The following PKP4 variants were observed in gnomAD, a reference collection of about 807,000 sequenced individuals.
PKP4 encodes the protein plakophilin-4.
Under a neutral mutation model 145.1 loss-of-function variants are expected in PKP4, and 90 were observed. The ratio of observed to expected loss-of-function variants is 0.62; its 90% CI spans 0.52 to 0.74. The LOEUF is 0.74. Among genes scored for constraint, PKP4 ranks in the 30% least tolerant of loss-of-function variants. The probability of loss-of-function intolerance (pLI) is 0.00; values close to 1 mark genes in which losing one functional copy is unlikely to be tolerated. For missense variants in PKP4, 1,340 were observed against 1,482.7 expected (o/e 0.90, Z 1.58); for synonymous variants, 563 against 577.2 (o/e 0.98, Z 0.35).
chr2:158,566,386 A>T (rs188846252), intron 2 of PKP4, among the ~76,000 whole-genome samples: 2 of 152,138 alleles, frequency 1.3e-5, no homozygotes, highest in African/African-American at 4.8e-5. Context: ...ATAATGATTT[A>T]TGCGGACTAT....
rs1400588144 is a variant in PKP4, at chr2:158,662,727, C to CACAA, written c.2212-166_2212-163dup. On this transcript the variant is annotated intron_variant, in intron 13 of 21. Coordinates refer to ENST00000389759, the MANE Select transcript of PKP4 (RefSeq NM_003628.6). ...TCTGCATCCTGTCATCTGGGTATTC[C>CACAA]ACAAACACTCTAGAATCATAATTCT... The CACAA allele has an allele frequency of 7.3e-6, 4 of 547,948 alleles. No individual in the cohort carries two copies. The African/African-American group carries it at 7.5e-5, about 10-fold the overall frequency. 33.9% of individuals were successfully genotyped at this position (547,948 alleles called of 1,614,324 possible). A position where few individuals can be genotyped will look rare whatever the true frequency, so the allele number is the denominator to read the frequency against.
chr2:158,485,417 C>T (rs1380728686), intron 1 of PKP4, among the ~76,000 whole-genome samples: 1 of 152,136 alleles, frequency 6.6e-6, no homozygotes, highest in African/African-American at 2.4e-5. Context: ...AACCCTAGAC[C>T]CACGTTACTA....
intron 1 of PKP4, among the ~76,000 whole-genome samples, chr2:158,470,315 A>G (rs960726492): frequency 2.0e-5 from 3 of 152,148 alleles, no homozygotes; most frequent in Non-Finnish European, 4.4e-5. Context: ...GCGACCTACC[A>G]TATAAGGCCC....
At chr2:158,605,835 G>C (rs765404724) in intron 4 of PKP4, among the ~76,000 whole-genome samples, 28 of 152,044 alleles carry the variant, frequency 1.8e-4, no homozygotes, top group Non-Finnish European at 3.4e-4. Flanking sequence ...CTAATCTATT[G>C]TACTTTCTTT....
At chr2:158,605,796 C>T (rs1574740701) in intron 4 of PKP4, among the ~76,000 whole-genome samples, 1 of 152,164 alleles carries the variant, frequency 6.6e-6, no homozygotes, top group East Asian at 1.9e-4. Context: ...CGCCATTTTA[C>T]CCCCAAACTT....
chr2:158,670,716 A>G (rs2057481416), intron 17 of PKP4, among the ~76,000 whole-genome samples: 1 of 152,220 alleles, frequency 6.6e-6, no homozygotes, highest in South Asian at 2.1e-4. Flanking sequence ...AGAAAGTATT[A>G]AAATTACTGC....
At chr2:158,596,929 A>G (rs1263205345) in intron 3 of PKP4, among the ~76,000 whole-genome samples, 1 of 152,238 alleles carries the variant, frequency 6.6e-6, no homozygotes, top group Non-Finnish European at 1.5e-5. Context: ...CTTCATGTTC[A>G]GATTCCTACC....
chr2:158,497,568 G>A (rs1162514653), intron 1 of PKP4, among the ~76,000 whole-genome samples: 2 of 152,174 alleles, frequency 1.3e-5, no homozygotes, highest in Admixed American at 1.3e-4. Context: ...CAGAGTGGTG[G>A]TGAACAGCTT....
At chr2:158,621,482 A>G in intron 6 of PKP4, 61 bp downstream of exon 6, 3 of 1,406,212 alleles carry the variant, frequency 2.1e-6, no homozygotes, top group Non-Finnish European at 3.0e-6. Flanking sequence ...ACAGTGGCTC[A>G]TGCCTGTAAT....
chr2:158,669,811 T>G lies in PKP4; in HGVS notation c.2820T>G (p.Cys940Trp). The change falls in exon 17 of 22, where the codon TGT (cysteine) becomes TGG (tryptophan). Residue 940 changes from cysteine to tryptophan, a missense_variant. Physicochemically the swap from Cys to Trp is radical, Grantham distance 215. Coordinates refer to ENST00000389759, the MANE Select transcript of PKP4 (RefSeq NM_003628.6). ...LSDETMAAIC[C>W]ALHEVTSKNM... Reference sequence around the variant, plus strand: ...ATGAGACCATGGCAGCCATCTGCTGTGCTCTGCACGAGGTCACCAGCAAAA... The same window carrying G: ...ATGAGACCATGGCAGCCATCTGCTGGGCTCTGCACGAGGTCACCAGCAAAA... 6.2e-7 allele frequency: 1 copy of G among 1,614,096 alleles called. No homozygotes were observed. The highest frequency in any genetic ancestry group is 8.5e-7 in the Non-Finnish European group (1 of 1,179,920).
In PKP4 at chr2:158,666,508, C is replaced by T. The variant is rs201008561; in HGVS notation, c.2673C>T (p.Ser891=). ...LRMDNDRVVS[S]VATALRNMAL... is the part of the protein sequence containing the mutation. ...TGGATAACGATAGAGTTGTTTCTTCCGTGGCAACAGCCTTGAGGAATATGG... is the reference window on the plus strand; with the variant it reads ...TGGATAACGATAGAGTTGTTTCTTCTGTGGCAACAGCCTTGAGGAATATGG... Residue 891 remains serine, a synonymous_variant, in exon 16 of 22, where the codon TCC becomes TCT. Coordinates refer to ENST00000389759, the MANE Select transcript of PKP4 (RefSeq NM_003628.6). 72 of 1,613,488 alleles carry T rather than the reference C, an allele frequency of 4.5e-5. No homozygotes were observed. The highest frequency in any genetic ancestry group is 6.7e-5 in the African/African-American group (5 of 74,982).
At chr2:158,501,242 A>G (rs1696515297) in intron 1 of PKP4, among the ~76,000 whole-genome samples, 1 of 152,230 alleles carries the variant, frequency 6.6e-6, no homozygotes, top group Non-Finnish European at 1.5e-5. Context: ...GACTAATATT[A>G]CCAATGGTAA....
rs554350971 is a variant in PKP4 at position 158,512,314 on chromosome 2, G to A, written c.-5-20866G>A. Among the ~76,000 whole-genome samples, 7 of 152,290 alleles carry A rather than the reference G, an allele frequency of 4.6e-5. No individual in the cohort carries two copies. In the South Asian group the frequency reaches 1.5e-3, roughly 32 times the overall value. ...ATTATTAGACATAGACAATATCTCA[G>A]AATTAAGGCATTGTTTTGGAAAAGG... On this transcript the variant is annotated intron_variant, in intron 1 of 21. Transcript: ENST00000389759.
intron 17 of PKP4, among the ~76,000 whole-genome samples, chr2:158,673,159 A>G (rs2057713454): frequency 6.6e-6 from 1 of 152,242 alleles, no homozygotes; most frequent in Non-Finnish European, 1.5e-5. Context: ...AGGGGAAATA[A>G]TATCTGTGAC....
chr2:158,584,799 T>A (rs182564721), intron 3 of PKP4, among the ~76,000 whole-genome samples: 1 of 152,348 alleles, frequency 6.6e-6, no homozygotes, highest in Admixed American at 6.5e-5. Flanking sequence ...ACTATAACTG[T>A]TCTTGACAAC....
Position 158,561,806 on chromosome 2 carries a change from TA to T in PKP4, c.133-15463del, listed in dbSNP as rs1479301394. Among the ~76,000 whole-genome samples the T allele has an allele frequency of 2.0e-5, 3 of 151,874 alleles. No homozygotes were observed. In the East Asian group the frequency reaches 5.8e-4, roughly 29 times the overall value. On this transcript the variant is annotated intron_variant, in intron 2 of 21. Coordinates refer to ENST00000389759, the MANE Select transcript of PKP4 (RefSeq NM_003628.6). ...AATCAAGTCAGTCTTTTTTTTTTTTTAATTTAAGTTCTAGGGTACATGTGCA... is the reference window on the plus strand; with the variant it reads ...AATCAAGTCAGTCTTTTTTTTTTTTTATTTAAGTTCTAGGGTACATGTGCA...
At chr2:158,465,670 A>G (rs951730168) in intron 1 of PKP4, among the ~76,000 whole-genome samples, 7 of 152,180 alleles carry the variant, frequency 4.6e-5, no homozygotes, top group Non-Finnish European at 8.8e-5. Context: ...ATGTTTCAAA[A>G]TCTCTCGTGA....
At chr2:158,533,600 C>A in intron 2 of PKP4, 1 of 485,506 alleles carries the variant, frequency 2.1e-6, no homozygotes, top group Non-Finnish European at 4.1e-6. Flanking sequence ...TGTGCATGCA[C>A]GCAAAGCTGT....
At chr2:158,512,995 G>A (rs1470215844) in intron 1 of PKP4, among the ~76,000 whole-genome samples, 1 of 152,186 alleles carries the variant, frequency 6.6e-6, no homozygotes, top group East Asian at 1.9e-4. Context: ...GACCATCTCT[G>A]TCCCTGAGAG....
Sources: gnomAD v4.1 joint callset for allele counts (sites outside exome capture counted in the v4.1 genomes callset) on GRCh38, gnomAD v4.1.1 for gene constraint, MANE v1.5 for transcripts, NCBI Gene and HGNC (gene_info 2026-07-23, HGNC 2026-07-21) for gene names.